ICE2: variants seen among roughly 807,000 people sequenced by gnomAD.
ICE2 encodes little elongation complex subunit 2.
A neutral mutation model predicts 105.4 loss-of-function variants in ICE2; 87 were observed. The observed-to-expected ratio is 0.83, with a 90% confidence interval of 0.69 to 0.99. The LOEUF (loss-of-function observed/expected upper bound fraction) is 0.99. Among genes scored for constraint, ICE2 ranks in the 50% least tolerant of loss-of-function variants. ICE2 has a pLI of 0.00. For missense variants in ICE2, 1,323 were observed against 1,146.7 expected, an observed-to-expected ratio of 1.15 and a Z score of -2.22; for synonymous variants, 399 against 392.0, an observed-to-expected ratio of 1.02 and a Z score of -0.21.
intron 3 of ICE2, among the ~76,000 whole-genome samples, chr15:60,474,629 A>G (rs1446276196): frequency 1.3e-5 from 2 of 152,214 alleles, no homozygotes; most frequent in African/African-American, 4.8e-5. Context: ...TTTACATTTA[A>G]GTTATTGATA....
At chr15:60,455,539 T>C (rs561406145) in intron 6 of ICE2, 97 bp from the exon 7 acceptor site, 1 of 732,494 alleles carries the variant, frequency 1.4e-6, no homozygotes, top group Non-Finnish European at 2.3e-6. Context: ...ACTTGAACTT[T>C]ATAATTCTAC....
At chr15:60,431,857 T>C in intron 14 of ICE2, 77 bp downstream of exon 14, 1 of 794,800 alleles carries the variant, frequency 1.3e-6, no homozygotes, top group South Asian at 1.6e-5. Flanking sequence ...TTCCTAACAG[T>C]ACATTTTCAA....
At chr15:60,466,338 T>C (rs1412369083) in intron 5 of ICE2, among the ~76,000 whole-genome samples, 2 of 152,216 alleles carry the variant, frequency 1.3e-5, no homozygotes, top group African/African-American at 4.8e-5. Context: ...CAAACTATTA[T>C]GTGAATAAAA....
In ICE2 at chr15:60,431,993, C is replaced by T. The variant is rs750854416; in HGVS notation, c.2511-9G>A. On this transcript the variant is annotated splice_polypyrimidine_tract_variant and intron_variant, in intron 13 of 15. Transcript: ENST00000261520. ...TAAATAAATTGGAAATCCTGATAAA[C>T]AAAAGAAATTCATGTAAAATTAAAC... 1.5e-6 allele frequency: 2 copies of T among 1,378,954 alleles called. No homozygotes were observed. The highest frequency in any genetic ancestry group is 3.7e-5 in the Admixed American group (2 of 54,600). The allele number at this position is 1,378,954 out of a possible 1,614,324, so 85.4% of individuals were successfully genotyped here.
At chr15:60,438,669 T>A (rs535521815) in intron 12 of ICE2, 8 of 152,240 alleles carry the variant, frequency 5.3e-5, no homozygotes, top group African/African-American at 9.6e-5. Flanking sequence ...ATATGGTCTG[T>A]CAAAAATAAC....
At chr15:60,451,498 C>A in intron 9 of ICE2, 1 of 984,756 alleles carries the variant, frequency 1.0e-6, no homozygotes, top group Non-Finnish European at 1.2e-6. Flanking sequence ...AATTGTTGGA[C>A]CACAGAAATC....
intron 14 of ICE2, among the ~76,000 whole-genome samples, chr15:60,430,741 T>C (rs982251841): frequency 6.6e-6 from 1 of 152,198 alleles, no homozygotes; most frequent in East Asian, 1.9e-4. Flanking sequence ...AAGTTCGTTT[T>C]CAAGTTTAAC....
intron 5 of ICE2, among the ~76,000 whole-genome samples, chr15:60,458,358 A>G (rs1489247175): frequency 6.6e-6 from 1 of 152,216 alleles, no homozygotes; most frequent in Non-Finnish European, 1.5e-5. Flanking sequence ...AAGCAAATGC[A>G]TTTATACAAT....
Position 60,449,297 on chromosome 15 carries a change from C to T in ICE2, c.1670G>A (p.Gly557Glu), listed in dbSNP as rs757162829. Residue 557 changes from glycine (G) to glutamate (E), a missense_variant, in exon 10 of 16, where the codon GGA becomes GAA. Gly to Glu is a moderately conservative substitution (Grantham distance 98). Coordinates refer to ENST00000261520, the MANE Select transcript of ICE2 (RefSeq NM_024611.6). ...NLDNSKEKTVGSEAAKTEDTV... is the reference protein window; with the variant it reads ...NLDNSKEKTVESEAAKTEDTV... Reference sequence around the variant, plus strand: ...ATCTTCAGTTTTTGCTGCTTCTGATCCAACAGTCTTTTCCTTTGAGTTGTC... The same window carrying T: ...ATCTTCAGTTTTTGCTGCTTCTGATTCAACAGTCTTTTCCTTTGAGTTGTC... 5.0e-6 allele frequency: 8 copies of T among 1,613,130 alleles called. No individual in the cohort carries two copies. The highest frequency in any genetic ancestry group is 6.8e-6 in the Non-Finnish European group (8 of 1,180,006).
Position 60,449,768 on chromosome 15 carries a change from A to ACAT in ICE2, c.1196_1198dup (p.Asp399dup). On this transcript the variant is annotated inframe_insertion, in exon 10 of 16. Coordinates refer to ENST00000261520, the MANE Select transcript of ICE2 (RefSeq NM_024611.6). ...TACTCCAAAAGTTTCAAGTTCTGTG[A>ACAT]CATCATCATCAAAATCCAAATACAA... The ACAT allele has an allele frequency of 6.2e-7, 1 of 1,614,074 alleles. No individual in the cohort carries two copies. Among genetic ancestry groups the ACAT allele is most frequent in the Non-Finnish European group, 8.5e-7 (1 of 1,179,988 alleles).
chr15:60,446,858 G>A (rs1051921677), intron 11 of ICE2, among the ~76,000 whole-genome samples: 11 of 152,234 alleles, frequency 7.2e-5, no homozygotes, highest in African/African-American at 2.6e-4. Flanking sequence ...AAGAGACAGA[G>A]ACACCAAAAC....
chr15:60,456,630 C>A, intron 6 of ICE2, 27 bp downstream of exon 6: 1 of 1,410,008 alleles, frequency 7.1e-7, no homozygotes. Flanking sequence ...CAAAAAAAAG[C>A]TTATATCGTC....
At chr15:60,464,280 T>G (rs535511135) in intron 5 of ICE2, among the ~76,000 whole-genome samples, 1 of 152,326 alleles carries the variant, frequency 6.6e-6, no homozygotes, top group East Asian at 1.9e-4. Context: ...AATATCTACA[T>G]TGAGCACCTG....
In ICE2 at chr15:60,455,367, TAG is replaced by T. The variant is rs2081289548; in HGVS notation, c.740_741del (p.Ala247AspfsTer3). On this transcript the variant is annotated frameshift_variant, in exon 7 of 16. Transcript: ENST00000261520. LOFTEE classifies it high-confidence loss of function. ...GCTGTTTGTTCTGACGTTTCAATGG[TAG>T]CTATATCGTCCTTTGACAGCTGCAA... ...IKLQLSKDDI[A>X]TIETSEQTAE... The T allele has an allele frequency of 6.2e-7, 1 of 1,613,872 alleles. No individual in the cohort carries two copies. The highest frequency in any genetic ancestry group is 8.5e-7 in the Non-Finnish European group (1 of 1,179,918).
rs548881183 is a variant in ICE2 at position 60,455,479 on chromosome 15, C to T, written c.667-37G>A. ...AAAAAAATCATTTTATTGCAAAAAT[C>T]GCAATGTATTTTTTCTAAGAAAAGT... On this transcript the variant is annotated intron_variant, in intron 6 of 15. Transcript: ENST00000261520. 7.1e-5 allele frequency: 96 copies of T among 1,354,618 alleles called. No individual in the cohort carries two copies. In the Middle Eastern group the frequency reaches 7.4e-4, roughly 10 times the overall value. 83.9% of individuals were successfully genotyped at this position (1,354,618 alleles called of 1,614,324 possible). A position where few individuals can be genotyped will look rare whatever the true frequency, so the allele number is the denominator to read the frequency against.
chr15:60,453,737 T>C lies in ICE2; in HGVS notation c.991A>G (p.Lys331Glu). 1 of 1,602,242 alleles carries C rather than the reference T, an allele frequency of 6.2e-7. No individual in the cohort carries two copies. The highest frequency in any genetic ancestry group is 8.6e-7 in the Non-Finnish European group (1 of 1,169,296). ...TTTCTCTCTCTCATAGTCATTTTCTTTTGGGGAAGTGGTGAATTAATATAT... is the reference window on the plus strand; with the variant it reads ...TTTCTCTCTCTCATAGTCATTTTCTCTTGGGGAAGTGGTGAATTAATATAT... ...VIYINSPLPQ[K>E]KMTMRERNQI... is the part of the protein sequence containing the mutation. Residue 331 changes from lysine to glutamate, a missense_variant, in exon 9 of 16, where the codon AAG (lysine) becomes GAG (glutamate). Lys to Glu is a moderately conservative substitution (Grantham distance 56). Coordinates refer to ENST00000261520, the MANE Select transcript of ICE2 (RefSeq NM_024611.6).
At chr15:60,428,405 C>T (rs559617783) in intron 15 of ICE2, 24 bp downstream of exon 15, 2 of 1,603,776 alleles carry the variant, frequency 1.2e-6, no homozygotes, top group East Asian at 2.2e-5. Context: ...CCTAATGAAC[C>T]TTTAATTTCA....
chr15:60,435,474 C>T (rs1289166597), intron 13 of ICE2, among the ~76,000 whole-genome samples: 1 of 151,910 alleles, frequency 6.6e-6, no homozygotes, highest in African/African-American at 2.4e-5. Flanking sequence ...TGGCGCATGC[C>T]TGTAATCCCA....
At position 60,455,077 on chromosome 15, in the gene ICE2, A is replaced by T; in HGVS notation, c.869T>A (p.Leu290Ter). The T allele has an allele frequency of 6.3e-7, 1 of 1,599,576 alleles. No individual in the cohort carries two copies. Among genetic ancestry groups the T allele is most frequent in the South Asian group, 1.1e-5 (1 of 88,122 alleles). Residue 290 changes from leucine to a stop codon, truncating the protein, a stop_gained, in exon 8 of 16, where the codon TTA becomes TAA. Coordinates refer to ENST00000261520, the MANE Select transcript of ICE2 (RefSeq NM_024611.6). LOFTEE classifies it high-confidence loss of function. ...IALTSQSLFT[L>*]LNNHGPTYKE... ...GTACGTTGGTCCATGATTATTTAAT[A>T]AGGTAAATAATGACTGACTAGTTAG... is the stretch of plus-strand genomic sequence containing the variant.
Sources: gnomAD v4.1 joint callset for allele counts (sites outside exome capture counted in the v4.1 genomes callset) on GRCh38, gnomAD v4.1.1 for gene constraint, MANE v1.5 for transcripts, NCBI Gene and HGNC (gene_info 2026-07-23, HGNC 2026-07-21) for gene names.